Variants in NSMCE1 observed in about 807,000 individuals in gnomAD.
NSMCE1 encodes NSE1 component of SMC5/6 complex, also known as non-structural maintenance of chromosomes element 1 homolog.
A neutral mutation model predicts 29.6 loss-of-function variants in NSMCE1; 18 were observed. That is an observed-to-expected ratio of 0.61 (90% CI 0.42 to 0.90). The LOEUF is 0.90. NSMCE1 is among the 40% of genes least tolerant of loss of function. The pLI is 0.00. For missense variants in NSMCE1, 314 were observed against 343.6 expected (o/e 0.91, Z 0.68); for synonymous variants, 124 against 133.4 (o/e 0.93, Z 0.49).
At chr16:27,258,666 A>T (rs2084115788) in intron 1 of NSMCE1, among the ~76,000 whole-genome samples, 1 of 152,116 alleles carries the variant, frequency 6.6e-6, no homozygotes, top group Admixed American at 6.5e-5. Flanking sequence ...AGGAAGCCTA[A>T]ATGAGTCACA....
Position 27,257,493 on chromosome 16 carries a change from G to A in NSMCE1, c.78C>T (p.Gly26=), listed in dbSNP as rs764348614. The change falls in exon 2 of 8, where the codon GGC becomes GGT. Residue 26 remains glycine (G), a synonymous_variant. Coordinates refer to ENST00000361439, the MANE Select transcript of NSMCE1 (RefSeq NM_145080.4). ...RRFLQLLMTH[G]VLEEWDVKRL... is the part of the protein sequence containing the mutation. The stretch of plus-strand genomic sequence containing the variant: ...GCTTCACGTCCCATTCCTCTAGCAC[G>A]CCATGGGTCATCAGCAACTGGAGGA... The A allele has an allele frequency of 1.4e-5, 22 of 1,613,768 alleles. No homozygotes were observed. The highest frequency in any genetic ancestry group is 8.8e-5 in the South Asian group (8 of 91,080).
intron 5 of NSMCE1, among the ~76,000 whole-genome samples, chr16:27,228,142 T>A (rs1302790663): frequency 6.6e-6 from 1 of 152,022 alleles, no homozygotes; most frequent in Non-Finnish European, 1.5e-5. Context: ...ATCCCCACAG[T>A]GCAATGTGGA....
At chr16:27,250,603 C>T (rs1283103049) in intron 2 of NSMCE1, among the ~76,000 whole-genome samples, 1 of 151,310 alleles carries the variant, frequency 6.6e-6, no homozygotes, top group African/African-American at 2.4e-5. Flanking sequence ...ACCAGCCTGG[C>T]CAACACGGTG....
intron 5 of NSMCE1, among the ~76,000 whole-genome samples, chr16:27,230,132 C>G (rs369232365): frequency 6.6e-6 from 1 of 152,198 alleles, no homozygotes; most frequent in Non-Finnish European, 1.5e-5. Context: ...CCATGAGCCG[C>G]GCTTGCTCTC....
rs1236450175 is a variant in NSMCE1 at position 27,248,178 on chromosome 16, G to A, written c.136+9257C>T. Among the ~76,000 whole-genome samples the A allele has an allele frequency of 5.9e-5, 9 of 152,062 alleles. No homozygotes were observed. In the South Asian group the frequency reaches 1.0e-3, roughly 18 times the overall value. ...TCTATCTCTGCACAAGCCTTTGTGC[G>A]GGCATATAGCTTCATATCTCTTGAA... On this transcript the variant is annotated intron_variant, in intron 2 of 7. Coordinates refer to ENST00000361439, the MANE Select transcript of NSMCE1 (RefSeq NM_145080.4).
chr16:27,255,559 A>C (rs934314742), intron 2 of NSMCE1, among the ~76,000 whole-genome samples: 7 of 152,190 alleles, frequency 4.6e-5, no homozygotes, highest in Non-Finnish European at 5.9e-5. Flanking sequence ...CAACAGGCTA[A>C]CTTGTTCCTG....
chr16:27,260,858 C>CACAAAAAAAAAAAA (rs761029399), intron 1 of NSMCE1, among the ~76,000 whole-genome samples: 1 of 87,968 alleles, frequency 1.1e-5, no homozygotes, highest in Non-Finnish European at 2.3e-5. Flanking sequence ...GACCCTGTCT[C>CACAAAAAAAAAAAA]AAAAAAAAAA....
intron 5 of NSMCE1, among the ~76,000 whole-genome samples, chr16:27,227,133 C>T (rs1204899588): frequency 6.6e-6 from 1 of 152,262 alleles, no homozygotes; most frequent in African/African-American, 2.4e-5. Flanking sequence ...TCGAGGGAGG[C>T]AGTCACAGCC....
At position 27,232,995 on chromosome 16, in the gene NSMCE1, C is replaced by T. The variant is rs1287863475; in HGVS notation, c.483+6G>A. 2 of 1,612,924 alleles carry T rather than the reference C, an allele frequency of 1.2e-6. No individual in the cohort carries two copies. Among genetic ancestry groups the T allele is most frequent in the Admixed American group, 1.7e-5 (1 of 59,700 alleles). Reference sequence around the variant, plus strand: ...GAACCAGGCTGGAAAAACCATGAGACAGTACCTCAATCAGCCACTTGTTTT... The same window carrying T: ...GAACCAGGCTGGAAAAACCATGAGATAGTACCTCAATCAGCCACTTGTTTT... On this transcript the variant is annotated splice_donor_region_variant and intron_variant, in intron 5 of 7. Transcript: ENST00000361439. This position sits in a 1 kb window ranked among gnomAD's most constrained non-coding sequence, Gnocchi z 4.5.
At chr16:27,230,131 G>A (rs141744202) in intron 5 of NSMCE1, among the ~76,000 whole-genome samples, 1,739 of 152,280 alleles carry the variant, frequency 0.011, 29 homozygotes, top group African/African-American at 0.04. Context: ...CCCATGAGCC[G>A]CGCTTGCTCT....
At chr16:27,238,463 G>A (rs55852443) in intron 2 of NSMCE1, among the ~76,000 whole-genome samples, 2,146 of 151,072 alleles carry the variant, frequency 0.014, 50 homozygotes, top group African/African-American at 0.05. Context: ...TCCAGCCGCC[G>A]CCCCAAGACA....
chr16:27,234,894 G>A (rs192528514), intron 3 of NSMCE1, among the ~76,000 whole-genome samples: 1 of 152,348 alleles, frequency 6.6e-6, no homozygotes. Flanking sequence ...GGAGGGATGA[G>A]GCCCAAATCC....
rs1596695735 is a variant in NSMCE1 at position 27,257,485 on chromosome 16, T to C, written c.86A>G (p.Glu29Gly). The change falls in exon 2 of 8, where the codon GAG (glutamate) becomes GGG (glycine). Residue 29 changes from glutamate (E) to glycine (G), a missense_variant. Transcript: ENST00000361439. ...LQLLMTHGVL[E>G]EWDVKRLQTH... is the part of the protein sequence containing the mutation. ...CTGCAAGCGCTTCACGTCCCATTCC[T>C]CTAGCACGCCATGGGTCATCAGCAA... 15 of 1,613,974 alleles carry C rather than the reference T, an allele frequency of 9.3e-6. No homozygotes were observed. Among genetic ancestry groups the C allele is most frequent in the East Asian group, 2.2e-5 (1 of 44,874 alleles).
chr16:27,230,060 A>G (rs1304852021), intron 5 of NSMCE1, among the ~76,000 whole-genome samples: 3 of 152,138 alleles, frequency 2.0e-5, no homozygotes, highest in Non-Finnish European at 4.4e-5. Flanking sequence ...GGAAGTCAGG[A>G]CCTCGTGTAG....
At chr16:27,264,467 A>G (rs1290148897) in intron 1 of NSMCE1, among the ~76,000 whole-genome samples, 1 of 152,218 alleles carries the variant, frequency 6.6e-6, no homozygotes, top group Non-Finnish European at 1.5e-5. Flanking sequence ...AGACCAATCA[A>G]TGGAACAGAA....
chr16:27,259,392 A>G (rs1278550938), intron 1 of NSMCE1, among the ~76,000 whole-genome samples: 1 of 152,158 alleles, frequency 6.6e-6, no homozygotes, highest in African/African-American at 2.4e-5. Context: ...CGATGTACTT[A>G]GCACCCCCGT....
At chr16:27,237,571 G>A (rs1300152292) in intron 2 of NSMCE1, among the ~76,000 whole-genome samples, 1 of 152,194 alleles carries the variant, frequency 6.6e-6, no homozygotes, top group South Asian at 2.1e-4. Flanking sequence ...AAAAAGCCTC[G>A]TTCAGTGCGG....
intron 6 of NSMCE1, 191 bp downstream of exon 6, chr16:27,226,529 G>GCGTC: frequency 1.8e-6 from 1 of 543,634 alleles, no homozygotes; most frequent in Non-Finnish European, 3.3e-6. Context: ...GGGCGGCAGT[G>GCGTC]CGTCCCTGCG....
At chr16:27,239,885 A>G (rs4787415) in intron 2 of NSMCE1, among the ~76,000 whole-genome samples, 95,799 of 152,114 alleles carry the variant, frequency 0.63, 31,591 homozygotes, top group East Asian at 0.89. Context: ...CTTAAGGGCT[A>G]TAGTAAAGTA....
Sources: allele counts gnomAD v4.1 joint callset (sites outside exome capture counted in the v4.1 genomes callset), GRCh38; gene constraint gnomAD v4.1.1; non-coding constraint Gnocchi (gnomAD v3.1); transcripts MANE v1.5; gene names NCBI Gene and HGNC (gene_info 2026-07-23, HGNC 2026-07-21).